The following CTSO variants were observed in gnomAD, a reference collection of about 807,000 sequenced individuals.
CTSO encodes the protein cathepsin O.
In CTSO, 40 loss-of-function variants were observed where a neutral mutation model predicts 42.4. That is an observed-to-expected ratio of 0.94 (90% CI 0.73 to 1.23). The LOEUF is 1.23. Ranked by LOEUF, CTSO falls within the 50% of genes most tolerant of loss-of-function variation. CTSO has a pLI of 0.00. For missense variants in CTSO, 441 were observed against 396.0 expected (o/e 1.11, Z -0.96); for synonymous variants, 156 against 146.2 (o/e 1.07, Z -0.48).
At chr4:155,937,296 T>G in intron 5 of CTSO, 66 bp downstream of exon 5, 1 of 1,346,150 alleles carries the variant, frequency 7.4e-7, no homozygotes, top group Non-Finnish European at 1.0e-6. Flanking sequence ...AAACAAATTA[T>G]TAACCAGTCA....
At chr4:155,935,176 T>G (rs1743307890) in intron 5 of CTSO, among the ~76,000 whole-genome samples, 2 of 152,198 alleles carry the variant, frequency 1.3e-5, no homozygotes, top group Non-Finnish European at 1.5e-5. Flanking sequence ...TGCTTCTTCC[T>G]CATTTTCTCT....
intron 1 of CTSO, among the ~76,000 whole-genome samples, chr4:155,951,370 A>G (rs183225650): frequency 6.1e-4 from 93 of 152,330 alleles, no homozygotes; most frequent in Non-Finnish European, 9.7e-4. Flanking sequence ...TAAATCCAAT[A>G]GTTAAGAGCT....
In CTSO at chr4:155,942,505, T is replaced by C. The variant is rs1448513753; in HGVS notation, c.245-49A>G. On this transcript the variant is annotated intron_variant, in intron 2 of 7. Coordinates refer to ENST00000433477, the MANE Select transcript of CTSO (RefSeq NM_001334.3). ...ATACAACCAATATTATATTACAATA[T>C]ATTATATTATATATATCATATATAT... 8 of 809,246 alleles carry C rather than the reference T, an allele frequency of 9.9e-6. No individual in the cohort carries two copies. The East Asian group carries it at 1.4e-4, about 14-fold the overall frequency. The allele number at this position is 809,246 out of a possible 1,614,324, so 50.1% of individuals were successfully genotyped here.
chr4:155,938,021 C>G (rs150388629), intron 4 of CTSO, among the ~76,000 whole-genome samples: 7 of 152,200 alleles, frequency 4.6e-5, no homozygotes, highest in Non-Finnish European at 8.8e-5. Context: ...TTCTCTTTAT[C>G]TTACAGCATC....
At chr4:155,936,461 T>C (rs1436785004) in intron 5 of CTSO, among the ~76,000 whole-genome samples, 1 of 152,250 alleles carries the variant, frequency 6.6e-6, no homozygotes, top group Non-Finnish European at 1.5e-5. Flanking sequence ...TAGGGGATTC[T>C]GTTACCTTAT....
intron 1 of CTSO, among the ~76,000 whole-genome samples, chr4:155,950,129 T>C (rs184938626): frequency 6.6e-6 from 1 of 152,320 alleles, no homozygotes; most frequent in East Asian, 1.9e-4. Flanking sequence ...TGATAAGAAA[T>C]GTGTAGTCAG....
intron 3 of CTSO, among the ~76,000 whole-genome samples, chr4:155,939,822 T>C (rs571183650): frequency 1.3e-5 from 2 of 152,334 alleles, no homozygotes; most frequent in East Asian, 3.9e-4. Context: ...ATACTTGGGC[T>C]AACTGATGAT....
chr4:155,936,756 T>A (rs1340779045), intron 5 of CTSO, among the ~76,000 whole-genome samples: 2 of 152,206 alleles, frequency 1.3e-5, no homozygotes, highest in African/African-American at 4.8e-5. Flanking sequence ...TCTTTATCTA[T>A]CCCTACATTC....
At chr4:155,949,094 G>C (rs1560791482) in intron 1 of CTSO, among the ~76,000 whole-genome samples, 1 of 152,122 alleles carries the variant, frequency 6.6e-6, no homozygotes, top group African/African-American at 2.4e-5. Flanking sequence ...AAATACAAAG[G>C]GTTGAAGGGA....
chr4:155,946,254 G>C (rs148120529), intron 1 of CTSO, among the ~76,000 whole-genome samples: 4 of 152,288 alleles, frequency 2.6e-5, no homozygotes, highest in African/African-American at 9.6e-5. Context: ...CGTTGGCAGG[G>C]AGTTCCCATG....
rs915156395 is a variant in CTSO at position 155,925,374 on chromosome 4, T to C, written c.*662A>G. ...TAATTTGTCTCTCAGGCAATGCTAC[T>C]AGAAGTTACTTATATAGTTGCCTTA... On this transcript the variant is annotated 3_prime_UTR_variant, in exon 8 of 8. Transcript: ENST00000433477. 2 of 152,236 alleles carry C rather than the reference T, an allele frequency of 1.3e-5. No individual in the cohort carries two copies. Among genetic ancestry groups the C allele is most frequent in the African/African-American group, 4.8e-5 (2 of 41,466 alleles). The allele number at this position is 152,236 out of a possible 1,614,324, so 9.4% of individuals were successfully genotyped here.
rs773690257 is a variant in CTSO at position 155,926,025 on chromosome 4, T to A, written c.*11A>T. On this transcript the variant is annotated 3_prime_UTR_variant, in exon 8 of 8. Transcript: ENST00000433477. ...TCATTTTTGTAGCTGTCTCTTGATCTGCCCAACATGTCACACAAATATAGA... is the reference window on the plus strand; with the variant it reads ...TCATTTTTGTAGCTGTCTCTTGATCAGCCCAACATGTCACACAAATATAGA... 1.2e-6 allele frequency: 2 copies of A among 1,602,534 alleles called. No homozygotes were observed. Among genetic ancestry groups the A allele is most frequent in the South Asian group, 2.2e-5 (2 of 89,168 alleles).
At chr4:155,938,772 A>G (rs144685213) in intron 4 of CTSO, among the ~76,000 whole-genome samples, 4,641 of 149,894 alleles carry the variant, frequency 0.031, 111 homozygotes, top group South Asian at 0.073. Flanking sequence ...TAAAAAAACA[A>G]AAACAAAAAA....
At chr4:155,930,354 T>C (rs566918243) in intron 5 of CTSO, among the ~76,000 whole-genome samples, 1 of 152,306 alleles carries the variant, frequency 6.6e-6, no homozygotes, top group Admixed American at 6.5e-5. Context: ...ATAGAAGCAA[T>C]GTTAAGCAAA....
At chr4:155,930,833 C>A (rs1444432744) in intron 5 of CTSO, among the ~76,000 whole-genome samples, 1 of 152,106 alleles carries the variant, frequency 6.6e-6, no homozygotes, top group Admixed American at 6.6e-5. Flanking sequence ...ACATGAATAT[C>A]TGCTTTTTGA....
rs1743120398 is a variant in CTSO at position 155,925,861 on chromosome 4, T to C, written c.*175A>G. On this transcript the variant is annotated 3_prime_UTR_variant, in exon 8 of 8. Coordinates refer to ENST00000433477, the MANE Select transcript of CTSO (RefSeq NM_001334.3). The stretch of plus-strand genomic sequence containing the variant: ...GAGTTTGTCCCACTGACTTTGGTTG[T>C]CCATCTCTCTACAAGAAGGGAACAT... 6.6e-6 allele frequency: 4 copies of C among 606,584 alleles called. No individual in the cohort carries two copies. Among genetic ancestry groups the C allele is most frequent in the Non-Finnish European group, 1.1e-5 (4 of 352,720 alleles). 37.6% of individuals were successfully genotyped at this position (606,584 alleles called of 1,614,324 possible). A position where few individuals can be genotyped will look rare whatever the true frequency, so the allele number is the denominator to read the frequency against.
chr4:155,946,471 G>C (rs1252016285), intron 1 of CTSO, among the ~76,000 whole-genome samples: 1 of 152,076 alleles, frequency 6.6e-6, no homozygotes. Context: ...CCATGTGTTT[G>C]AAAAGACAAA....
chr4:155,928,731 A>G (rs1222888811), intron 6 of CTSO, among the ~76,000 whole-genome samples: 5 of 152,214 alleles, frequency 3.3e-5, no homozygotes, highest in African/African-American at 1.2e-4. Context: ...GAACTTTTAG[A>G]TACGTATGAT....
chr4:155,926,215 A>G (rs879715748), intron 7 of CTSO, 145 bp from the exon 8 acceptor site: 1 of 598,522 alleles, frequency 1.7e-6, no homozygotes, highest in Non-Finnish European at 2.9e-6. Context: ...CAATGTAAAC[A>G]TGGTATCATC....
Sources: allele counts gnomAD v4.1 joint callset (sites outside exome capture counted in the v4.1 genomes callset), GRCh38; gene constraint gnomAD v4.1.1; transcripts MANE v1.5; gene names NCBI Gene and HGNC (gene_info 2026-07-23, HGNC 2026-07-21).